Variants in CAPG observed in about 807,000 individuals in gnomAD.
CAPG encodes capping actin protein, gelsolin like.
Under a neutral mutation model 44.6 loss-of-function variants are expected in CAPG, and 32 were observed. The ratio of observed to expected loss-of-function variants is 0.72; its 90% CI spans 0.54 to 0.96. CAPG has a LOEUF of 0.96. Among genes scored for constraint, CAPG ranks in the 50% least tolerant of loss-of-function variants. CAPG has a pLI of 0.00. For missense variants in CAPG, 412 were observed against 438.3 expected (o/e 0.94, Z 0.54); for synonymous variants, 175 against 179.6 (o/e 0.97, Z 0.20).
intron 5 of CAPG, among the ~76,000 whole-genome samples, chr2:85,399,536 G>C (rs1686778668): frequency 6.6e-6 from 1 of 152,168 alleles, no homozygotes; most frequent in Non-Finnish European, 1.5e-5. Flanking sequence ...TGTCATCCAG[G>C]CTGGAGTGCA....
upstream of CAPG, among the ~76,000 whole-genome samples, chr2:85,413,552 C>A (rs573159003): frequency 6.6e-6 from 1 of 152,228 alleles, no homozygotes; most frequent in African/African-American, 2.4e-5. Context: ...TGCACTCCAG[C>A]CTGGGCAATA....
upstream of CAPG, chr2:85,418,636 A>ACG (rs1351938252): frequency 5.1e-5 from 7 of 138,376 alleles, no homozygotes; most frequent in Admixed American, 4.9e-4. Context: ...ACAGTCACAC[A>ACG]CGCACACACA....
rs148206553 is a variant in CAPG, at chr2:85,399,205, G to A, written c.597C>T (p.Asp199=). 1 of 1,614,238 alleles carries A rather than the reference G, an allele frequency of 6.2e-7. No homozygotes were observed. Among genetic ancestry groups the A allele is most frequent in the African/African-American group, 1.3e-5 (1 of 75,064 alleles). The change falls in exon 6 of 10, where the codon GAC becomes GAT. Residue 199 remains aspartate, a synonymous_variant. Transcript: ENST00000263867. The part of the protein sequence containing the change: ...KARDLALAIR[D]SERQGKAQVE... ...CCTGGGCCTTGCCCTGTCGCTCACT[G>A]TCCCGGATGGCCAGGGCCAGGTCCC... is the stretch of plus-strand genomic sequence containing the variant.
At chr2:85,404,922 T>A (rs183719874) in intron 1 of CAPG, among the ~76,000 whole-genome samples, 3 of 134,268 alleles carry the variant, frequency 2.2e-5, no homozygotes, top group East Asian at 4.3e-4. Flanking sequence ...GATGACAGAG[T>A]AAAACCCCCT....
intron 5 of CAPG, 137 bp from the exon 6 acceptor site, chr2:85,399,422 G>T: frequency 1.2e-6 from 1 of 823,914 alleles, no homozygotes; most frequent in Non-Finnish European, 1.9e-6. Flanking sequence ...GCAGAGCACA[G>T]CACAGAGGGC....
At chr2:85,397,720 GAA>G (rs1686671078) in intron 8 of CAPG, among the ~76,000 whole-genome samples, 2 of 151,572 alleles carry the variant, frequency 1.3e-5, no homozygotes, top group Non-Finnish European at 2.9e-5. Context: ...AAGAAAGAAA[GAA>G]AGAAAGAAAA....
chr2:85,392,444 G>C (rs1686422088), downstream of CAPG, among the ~76,000 whole-genome samples: 1 of 151,810 alleles, frequency 6.6e-6, no homozygotes, highest in Admixed American at 6.5e-5. Context: ...TGGGGAGTGG[G>C]GGGCAGGTGA....
chr2:85,392,312 C>A (rs932719935), downstream of CAPG, among the ~76,000 whole-genome samples: 4 of 151,976 alleles, frequency 2.6e-5, no homozygotes, highest in African/African-American at 7.3e-5. Context: ...ATGGTGTGAA[C>A]CCGGGAGGCG....
chr2:85,401,179 G>A lies in CAPG; in HGVS notation c.502C>T (p.Leu168=). ...AGCCTACCCACCTGGCCCAGGTCCA[G>A]GATGAAGCAGTCCCCAGTGTTGAAG... ...DSFNTGDCFI[L]DLGQNIFAWC... The change falls in exon 5 of 10, where the codon CTG becomes TTG. Residue 168 remains leucine, a synonymous_variant. Transcript: ENST00000263867. 6.2e-7 allele frequency: 1 copy of A among 1,614,154 alleles called. No homozygotes were observed. Among genetic ancestry groups the A allele is most frequent in the Non-Finnish European group, 8.5e-7 (1 of 1,179,994 alleles).
chr2:85,402,187 T>C, intron 1 of CAPG, 29 bp from the exon 2 acceptor site: 1 of 1,569,204 alleles, frequency 6.4e-7, no homozygotes, highest in Non-Finnish European at 8.7e-7. Flanking sequence ...CCATTATTAT[T>C]ACAAATGCCA....
downstream of CAPG, among the ~76,000 whole-genome samples, chr2:85,392,389 CAA>C (rs780926003): frequency 2.0e-4 from 20 of 100,110 alleles, no homozygotes; most frequent in Non-Finnish European, 1.5e-4. Flanking sequence ...GACTCCGTCT[CAA>C]AAAAAAAAAA....
rs1472626459 is a variant in CAPG at position 85,401,830 on chromosome 2, G to A, written c.151C>T (p.Leu51=). ...GAAACCTCTTCTGGGCCATTGTGCA[G>A]CACTAGGTAGGAGTCCCCCGAGAAG... ...VFFSGDSYLV[L]HNGPEEVSHL... The change falls in exon 3 of 10, where the codon CTG becomes TTG. Residue 51 remains leucine, a synonymous_variant. Transcript: ENST00000263867. 6.2e-7 allele frequency: 1 copy of A among 1,614,150 alleles called. No homozygotes were observed. The highest frequency in any genetic ancestry group is 8.5e-7 in the Non-Finnish European group (1 of 1,180,024).
rs1267754407 is a variant in CAPG at position 85,395,735 on chromosome 2, ACAATAAATGGAC to A, written c.893-121_893-110del. On this transcript the variant is annotated intron_variant, in intron 8 of 9. Coordinates refer to ENST00000263867, the MANE Select transcript of CAPG (RefSeq NM_001747.4). This position sits in a 1 kb window ranked among gnomAD's most constrained non-coding sequence, Gnocchi z 4.3. Reference sequence around the variant, plus strand: ...GTCCACAGAAGAGCCAGCAATTTTTACAATAAATGGACCAGGGGTCCCAAGAATGCCGAGGGG... The same window carrying A: ...GTCCACAGAAGAGCCAGCAATTTTTACAGGGGTCCCAAGAATGCCGAGGGG... The A allele has an allele frequency of 7.0e-6, 5 of 716,922 alleles. No homozygotes were observed. The highest frequency in any genetic ancestry group is 1.8e-5 in the African/African-American group (1 of 56,980). The allele number at this position is 716,922 out of a possible 1,614,324, so 44.4% of individuals were successfully genotyped here.
chr2:85,418,796 C>T (rs1455295790), upstream of CAPG: 1 of 152,306 alleles, frequency 6.6e-6, no homozygotes, highest in Non-Finnish European at 1.5e-5. Flanking sequence ...TGGGGGCTAC[C>T]CTGCTGGGGA....
At chr2:85,402,342 C>G (rs1261003102) in intron 1 of CAPG, among the ~76,000 whole-genome samples, 184 bp from the exon 2 acceptor site, 3 of 152,134 alleles carry the variant, frequency 2.0e-5, no homozygotes. Context: ...CAAGGCCACA[C>G]AGCTAGTGAG....
At chr2:85,406,529 A>C (rs1178825231) in intron 1 of CAPG, among the ~76,000 whole-genome samples, 3 of 152,124 alleles carry the variant, frequency 2.0e-5, no homozygotes, top group Non-Finnish European at 2.9e-5. Flanking sequence ...CCGCCGCCCC[A>C]GTGATGTCTG....
At chr2:85,407,871 G>C (rs1687236139) in intron 1 of CAPG, among the ~76,000 whole-genome samples, 2 of 152,120 alleles carry the variant, frequency 1.3e-5, no homozygotes, top group Non-Finnish European at 2.9e-5. Flanking sequence ...GGTCAGGGTT[G>C]AAACTCCTGC....
intron 1 of CAPG, among the ~76,000 whole-genome samples, chr2:85,416,448 C>T (rs746994433): frequency 7.2e-5 from 11 of 152,138 alleles, no homozygotes; most frequent in Non-Finnish European, 1.6e-4. Context: ...TTCCTCATCA[C>T]GGGGGACTGA....
upstream of CAPG, among the ~76,000 whole-genome samples, chr2:85,412,061 CAAA>C (rs554263266): frequency 7.8e-6 from 1 of 127,518 alleles, no homozygotes; most frequent in Non-Finnish European, 1.7e-5. Context: ...GACTCCATCT[CAAA>C]AAAAAAAAAA....
Sources: allele counts gnomAD v4.1 joint callset (sites outside exome capture counted in the v4.1 genomes callset), GRCh38; gene constraint gnomAD v4.1.1; non-coding constraint Gnocchi (gnomAD v3.1); transcripts MANE v1.5; gene names NCBI Gene and HGNC (gene_info 2026-07-23, HGNC 2026-07-21).